ATP1A4: variants seen among roughly 807,000 people sequenced by gnomAD.
ATP1A4 encodes the protein ATPase Na+/K+ transporting subunit alpha 4, also known as sodium/potassium-transporting ATPase subunit alpha-4.
In ATP1A4, 90 loss-of-function variants were observed where a neutral mutation model predicts 114.3. The ratio of observed to expected loss-of-function variants is 0.79; its 90% confidence interval spans 0.66 to 0.94. The LOEUF (loss-of-function observed/expected upper bound fraction) is 0.94. Ranked by LOEUF, ATP1A4 falls within the 40% of genes least tolerant of loss-of-function variation. ATP1A4 has a pLI of 0.00. For synonymous variants in ATP1A4, 511 were observed against 494.1 expected (o/e 1.03, Z -0.45); for missense variants, 1,222 against 1,313.6 (o/e 0.93, Z 1.08).
At chr1:160,156,750 G>A (rs538205318) in intron 4 of ATP1A4, among the ~76,000 whole-genome samples, 1 of 152,248 alleles carries the variant, frequency 6.6e-6, no homozygotes, top group South Asian at 2.1e-4. Flanking sequence ...AGTCTGCAGT[G>A]AACTGTGACC....
intron 16 of ATP1A4, 46 bp from the exon 17 acceptor site, chr1:160,176,433 C>T: frequency 6.2e-7 from 1 of 1,613,398 alleles, no homozygotes; most frequent in South Asian, 1.1e-5. Flanking sequence ...GCTGGGTTTC[C>T]TTCTGAACTT....
intron 2 of ATP1A4, 137 bp downstream of exon 2, chr1:160,153,361 G>A (rs774763905): frequency 5.3e-5 from 37 of 698,720 alleles, no homozygotes; most frequent in African/African-American, 3.2e-4. Flanking sequence ...GCCTGGCCAC[G>A]TTCCATGGAC....
At chr1:160,183,469 C>T (rs1222619772) in intron 20 of ATP1A4, 1 of 152,224 alleles carries the variant, frequency 6.6e-6, no homozygotes, top group East Asian at 1.9e-4. Context: ...TGTGTTCACC[C>T]TCTTTTCTCT....
intron 10 of ATP1A4, among the ~76,000 whole-genome samples, chr1:160,169,367 G>A (rs1000114606): frequency 1.3e-5 from 2 of 152,154 alleles, no homozygotes; most frequent in Admixed American, 1.3e-4. Context: ...ATTTTCTTCC[G>A]TGACCTCTGA....
chr1:160,155,279 C>G, intron 3 of ATP1A4, 31 bp downstream of exon 3: 1 of 1,581,130 alleles, frequency 6.3e-7, no homozygotes, highest in Non-Finnish European at 8.6e-7. Flanking sequence ...CTAGCCAGCC[C>G]TATCTCTGCT....
intron 2 of ATP1A4, among the ~76,000 whole-genome samples, chr1:160,153,914 C>T (rs1652545311): frequency 6.6e-6 from 1 of 152,008 alleles, no homozygotes; most frequent in African/African-American, 2.4e-5. Flanking sequence ...TTTTGGGGCC[C>T]CTCGGGTGTT....
intron 3 of ATP1A4, 30 bp downstream of exon 3, chr1:160,155,278 C>A: frequency 6.3e-7 from 1 of 1,583,218 alleles, no homozygotes; most frequent in East Asian, 2.2e-5. Context: ...ACTAGCCAGC[C>A]CTATCTCTGC....
At chr1:160,172,534 A>G (rs748361650) in intron 12 of ATP1A4, among the ~76,000 whole-genome samples, 1 of 152,202 alleles carries the variant, frequency 6.6e-6, no homozygotes, top group Non-Finnish European at 1.5e-5. Context: ...ACTTCATGGG[A>G]TGGCAGCAGT....
At chr1:160,166,387 T>C (rs1322973066) in intron 7 of ATP1A4, 141 bp from the exon 8 acceptor site, 2 of 1,088,340 alleles carry the variant, frequency 1.8e-6, no homozygotes, top group Non-Finnish European at 2.6e-6. Flanking sequence ...AGAAATGAAA[T>C]GTGTAAAGAG....
chr1:160,166,026 T>C (rs374093039), intron 7 of ATP1A4, among the ~76,000 whole-genome samples: 1 of 152,136 alleles, frequency 6.6e-6, no homozygotes, highest in Non-Finnish European at 1.5e-5. Flanking sequence ...TCCCAGCACT[T>C]TGGGAGGCCA....
chr1:160,170,545 C>T (rs1653208829), intron 10 of ATP1A4: 1 of 150,898 alleles, frequency 6.6e-6, no homozygotes, highest in Non-Finnish European at 1.5e-5. Context: ...GGTCATAATG[C>T]ATTCTTGCTA....
At chr1:160,168,982 C>T (rs1352717290) in intron 10 of ATP1A4, among the ~76,000 whole-genome samples, 1 of 152,092 alleles carries the variant, frequency 6.6e-6, no homozygotes, top group Admixed American at 6.6e-5. Context: ...AACATATTCA[C>T]AACATTTGTT....
intron 2 of ATP1A4, among the ~76,000 whole-genome samples, chr1:160,154,309 G>A (rs1018000680): frequency 6.6e-6 from 1 of 151,900 alleles, no homozygotes; most frequent in Non-Finnish European, 1.5e-5. Context: ...GGAGATGGAG[G>A]TTGCAGTAAG....
rs777571140 is a variant in ATP1A4, at chr1:160,155,075, C to G, written c.238C>G (p.Leu80Val). 3.7e-6 allele frequency: 6 copies of G among 1,614,050 alleles called. No individual in the cohort carries two copies. Among genetic ancestry groups the G allele is most frequent in the Non-Finnish European group, 5.1e-6 (6 of 1,179,944 alleles). Residue 80 changes from leucine (L) to valine (V), a missense_variant, in exon 3 of 22, where the codon CTG becomes GTG. Leu to Val is a conservative substitution (Grantham distance 32). Transcript: ENST00000368081. ...GHSHQRAKEI[L>V]TRGGPNTVTP... ...TAGCCACCAAAGGGCAAAGGAAATC[C>G]TGACTCGAGGTGGACCCAATACTGT...
At chr1:160,181,324 G>A (rs1028236626) in intron 18 of ATP1A4, among the ~76,000 whole-genome samples, 3 of 152,020 alleles carry the variant, frequency 2.0e-5, no homozygotes, top group Non-Finnish European at 4.4e-5. Flanking sequence ...AAGCAGAGGC[G>A]GTCAGATCGC....
At chr1:160,185,518 G>A (rs1274361453) in intron 20 of ATP1A4, among the ~76,000 whole-genome samples, 1 of 152,144 alleles carries the variant, frequency 6.6e-6, no homozygotes, top group Admixed American at 6.5e-5. Flanking sequence ...GGGCACGATG[G>A]CTCATGCCTA....
intron 10 of ATP1A4, 134 bp from the exon 11 acceptor site, chr1:160,171,117 A>G: frequency 1.3e-6 from 1 of 763,056 alleles, no homozygotes; most frequent in Non-Finnish European, 2.1e-6. Flanking sequence ...GCGAGATGTG[A>G]CTGGGGAGGG....
At position 160,166,603 on chromosome 1, in the gene ATP1A4, C is replaced by T; in HGVS notation, c.1123C>T (p.Leu375=). The T allele has an allele frequency of 1.2e-6, 2 of 1,614,222 alleles. No individual in the cohort carries two copies. The highest frequency in any genetic ancestry group is 1.1e-5 in the South Asian group (1 of 91,084). ...LVKNLEAVET[L]GSTSTICSDK... ...GAAGAACCTGGAGGCGGTGGAGACG[C>T]TGGGCTCCACGTCCACCATCTGCTC... The change falls in exon 8 of 22, where the codon CTG becomes TTG. Residue 375 remains leucine (L), a synonymous_variant. Transcript: ENST00000368081.
At chr1:160,153,501 T>C (rs1238340601) in intron 2 of ATP1A4, among the ~76,000 whole-genome samples, 1 of 152,212 alleles carries the variant, frequency 6.6e-6, no homozygotes, top group Admixed American at 6.5e-5. Flanking sequence ...ACTCTTAGAA[T>C]TTATCTAGGA....
Sources: gnomAD v4.1 joint callset for allele counts (sites outside exome capture counted in the v4.1 genomes callset) on GRCh38, gnomAD v4.1.1 for gene constraint, MANE v1.5 for transcripts, NCBI Gene and HGNC (gene_info 2026-07-23, HGNC 2026-07-21) for gene names.